The following FRMPD4 variants were observed in gnomAD, a reference collection of about 807,000 sequenced individuals.
The protein encoded by FRMPD4 is FERM and PDZ domain containing 4.
A neutral mutation model predicts 94.1 loss-of-function variants in FRMPD4; 22 were observed. That is an observed-to-expected ratio of 0.23 (90% CI 0.17 to 0.33). FRMPD4 has a LOEUF of 0.33. Ranked by LOEUF, FRMPD4 falls within the 10% of genes least tolerant of loss-of-function variation. FRMPD4 has a pLI of 1.00. For missense variants in FRMPD4, 1,111 were observed against 1,339.9 expected, an observed-to-expected ratio of 0.83 and a Z score of 2.67; for synonymous variants, 631 against 548.6, an observed-to-expected ratio of 1.15 and a Z score of -2.10.
At chrX:12,128,871 G>C (rs1304683637) in intron 3 of FRMPD4, among the ~76,000 whole-genome samples, 1 of 111,867 alleles carries the variant, frequency 8.9e-6, no homozygotes, top group Non-Finnish European at 1.9e-5. Context: ...GCAAAATGCT[G>C]CCAGTTTCTT....
At chrX:12,336,247 C>G in intron 1 of FRMPD4, among the ~76,000 whole-genome samples, 1 of 111,655 alleles carries the variant, frequency 9.0e-6, no homozygotes, top group Non-Finnish European at 1.9e-5. Flanking sequence ...GAATATATAT[C>G]TCTGTCCAAT....
chrX:12,480,682 A>G (rs1267539060), intron 1 of FRMPD4, among the ~76,000 whole-genome samples: 1 of 112,291 alleles, frequency 8.9e-6, no homozygotes, highest in African/African-American at 3.2e-5. Flanking sequence ...AGTTATTTCA[A>G]GAGTCCACAT....
chrX:12,610,972 T>C (rs2148419708), intron 3 of FRMPD4, among the ~76,000 whole-genome samples: 1 of 111,421 alleles, frequency 9.0e-6, no homozygotes, highest in East Asian at 2.8e-4. Flanking sequence ...CTGTTGAGCT[T>C]GGGGGTGATT....
At chrX:12,575,403 A>G (rs2058801139) in intron 2 of FRMPD4, among the ~76,000 whole-genome samples, 1 of 108,465 alleles carries the variant, frequency 9.2e-6, no homozygotes, top group South Asian at 4.1e-4. Flanking sequence ...CAGGTGGATG[A>G]TGCTAACATT....
intron 3 of FRMPD4, among the ~76,000 whole-genome samples, chrX:12,071,366 A>G (rs1039098551): frequency 3.6e-5 from 4 of 111,785 alleles, no homozygotes; most frequent in African/African-American, 9.8e-5. Flanking sequence ...GGTCTCAATA[A>G]GTTGCATGTT....
chrX:12,242,302 C>G (rs1031201599), intron 1 of FRMPD4, among the ~76,000 whole-genome samples: 5 of 111,211 alleles, frequency 4.5e-5, no homozygotes, highest in African/African-American at 1.6e-4. Flanking sequence ...GTTCAACAAC[C>G]TTGTACTCTC....
chrX:12,332,207 TAGAGAGAGAGAGAG>T (rs531737337), intron 1 of FRMPD4, among the ~76,000 whole-genome samples: 7,749 of 59,481 alleles, frequency 0.13, 600 homozygotes, highest in Non-Finnish European at 0.17. Flanking sequence ...TATATATATA[TAGAGAGAGAGAGAG>T]AGAGAGAGAG....
chrX:12,555,133 G>A (rs1246082124), intron 2 of FRMPD4, among the ~76,000 whole-genome samples: 1 of 110,520 alleles, frequency 9.0e-6, no homozygotes, highest in Non-Finnish European at 1.9e-5. Context: ...AAAATTATGT[G>A]TGATGACTCT....
intron 3 of FRMPD4, among the ~76,000 whole-genome samples, chrX:12,003,709 C>A (rs1364133932): frequency 8.9e-6 from 1 of 112,418 alleles, no homozygotes; most frequent in East Asian, 2.8e-4. Context: ...CTGGCCCAGG[C>A]AAGTATATAT....
rs1569225517 is a variant in FRMPD4 at position 12,305,747 on chromosome X, T to TTTTTTTTTTTTTTTTG, written c.41+166735_41+166736insTTTTTTTTTTTTTTTG. ...TAAGTTTTTTTTTTTTTTTTTTTTTTACAGAGACAGGGTCTCACTATGTTG... is the reference window on the plus strand; with the variant it reads ...TAAGTTTTTTTTTTTTTTTTTTTTTTTTTTTTTTTTTTTTTGACAGAGACAGGGTCTCACTATGTTG... On this transcript the variant is annotated intron_variant, in intron 1 of 16. Transcript: ENST00000675598. Among the ~76,000 whole-genome samples, 109 of 91,695 alleles carry TTTTTTTTTTTTTTTTG rather than the reference T, an allele frequency of 1.2e-3. 7 individuals are homozygous for TTTTTTTTTTTTTTTTG. In the Admixed American group the frequency reaches 0.013, roughly 11 times the overall value. 79.6% of individuals were successfully genotyped at this position (91,695 alleles called of 115,157 possible). A position where few individuals can be genotyped will look rare whatever the true frequency, so the allele number is the denominator to read the frequency against.
At chrX:11,892,070 T>G (rs1344397830) in intron 3 of FRMPD4, among the ~76,000 whole-genome samples, 1 of 112,374 alleles carries the variant, frequency 8.9e-6, no homozygotes, top group Admixed American at 9.4e-5. Context: ...CATGTGATTG[T>G]GTATATGTGT....
At chrX:12,336,551 G>C (rs1267097919) in intron 1 of FRMPD4, among the ~76,000 whole-genome samples, 1 of 111,152 alleles carries the variant, frequency 9.0e-6, no homozygotes, top group Non-Finnish European at 1.9e-5. Context: ...GCCTAGAGTA[G>C]TACCTGGTAC....
At chrX:11,873,095 T>C in intron 2 of FRMPD4, among the ~76,000 whole-genome samples, 1 of 112,055 alleles carries the variant, frequency 8.9e-6, no homozygotes, top group Non-Finnish European at 1.9e-5. Context: ...CTCCCCACTG[T>C]TGAAGACTAC....
chrX:12,398,804 A>C (rs1434009182), intron 1 of FRMPD4, among the ~76,000 whole-genome samples: 3 of 111,775 alleles, frequency 2.7e-5, no homozygotes, highest in African/African-American at 9.7e-5. Flanking sequence ...TTGCAAGGAA[A>C]TCTGCAGTTA....
At chrX:12,376,983 G>T (rs1394673748) in intron 1 of FRMPD4, among the ~76,000 whole-genome samples, 1 of 111,824 alleles carries the variant, frequency 8.9e-6, no homozygotes, top group Admixed American at 9.5e-5. Context: ...GCTCCCCTAG[G>T]GTCTCAGTCA....
intron 2 of FRMPD4, among the ~76,000 whole-genome samples, chrX:12,528,967 G>A (rs765423027): frequency 1.4e-3 from 163 of 112,439 alleles, no homozygotes; most frequent in Non-Finnish European, 2.5e-3. Context: ...CATTCTGTTA[G>A]TTATCTATTG....
chrX:11,838,331 C>A (rs1349882039), intron 1 of FRMPD4, among the ~76,000 whole-genome samples: 1 of 111,396 alleles, frequency 9.0e-6, no homozygotes, highest in Non-Finnish European at 1.9e-5. Flanking sequence ...GCAAAATAAT[C>A]CAGATAGCTC....
At chrX:12,066,351 G>A (rs922590855) in intron 3 of FRMPD4, among the ~76,000 whole-genome samples, 6 of 111,895 alleles carry the variant, frequency 5.4e-5, no homozygotes, top group Admixed American at 9.5e-5. Context: ...CAAATTCTAA[G>A]ACTGTCTTTT....
chrX:12,695,245 C>T lies in FRMPD4; in HGVS notation c.933+791C>T, dbSNP rs183450782. ...GTGACTTTGTGTCCTCAGTGTAACA[C>T]ATCAAGAGGCACATGATGTCAGTTT... On this transcript the variant is annotated intron_variant, in intron 9 of 16. Coordinates refer to ENST00000675598, the MANE Select transcript of FRMPD4 (RefSeq NM_001368397.1). Among the ~76,000 whole-genome samples the T allele has an allele frequency of 6.3e-5, 7 of 111,842 alleles. No homozygotes were observed. In the South Asian group the frequency reaches 2.3e-3, roughly 36 times the overall value.
Sources: allele counts gnomAD v4.1 joint callset (sites outside exome capture counted in the v4.1 genomes callset), GRCh38; gene constraint gnomAD v4.1.1; transcripts MANE v1.5; gene names NCBI Gene and HGNC (gene_info 2026-07-23, HGNC 2026-07-21).